The following TNK2 variants were observed in gnomAD, a reference collection of about 807,000 sequenced individuals.
TNK2 encodes the protein activated CDC42 kinase 1.
Under a neutral mutation model 101.8 loss-of-function variants are expected in TNK2, and 83 were observed. The observed-to-expected ratio is 0.82, with a 90% CI of 0.68 to 0.98. The LOEUF (loss-of-function observed/expected upper bound fraction) is 0.98, where lower values mean the gene tolerates loss of function less well. Ranked by LOEUF, TNK2 falls within the 50% of genes least tolerant of loss-of-function variation. The pLI is 0.00. For synonymous variants in TNK2, 804 were observed against 633.0 expected (o/e 1.27, Z -4.06); for missense variants, 1,665 against 1,483.2 (o/e 1.12, Z -2.01).
At chr3:195,901,760 G>T (rs1761231212) in intron 1 of TNK2, among the ~76,000 whole-genome samples, 1 of 152,190 alleles carries the variant, frequency 6.6e-6, no homozygotes, top group Non-Finnish European at 1.5e-5. Context: ...TACAAATATG[G>T]AAACCAGCTC....
intron 12 of TNK2, 171 bp downstream of exon 12, chr3:195,869,326 C>G: frequency 1.4e-6 from 1 of 702,974 alleles, no homozygotes; most frequent in Non-Finnish European, 2.4e-6. Context: ...CTCCGGGGGG[C>G]GGGCTCGAGG....
At chr3:195,907,320 G>A (rs2149896100) in intron 1 of TNK2, among the ~76,000 whole-genome samples, 1 of 152,332 alleles carries the variant, frequency 6.6e-6, no homozygotes, top group Non-Finnish European at 1.5e-5. Flanking sequence ...GTTTGTCTGA[G>A]GAGCGGGCTA....
At chr3:195,906,409 G>A (rs1351745400) in intron 1 of TNK2, among the ~76,000 whole-genome samples, 1 of 152,126 alleles carries the variant, frequency 6.6e-6, no homozygotes, top group Non-Finnish European at 1.5e-5. Context: ...CCATCAACAG[G>A]TCAATGGATA....
chr3:195,880,699 CAGCATCTATCCCTGTAACA>C, intron 6 of TNK2, among the ~76,000 whole-genome samples: 1 of 101,972 alleles, frequency 9.8e-6, no homozygotes, highest in Non-Finnish European at 1.9e-5. Flanking sequence ...GGAGAGGACA[CAGCATCTATCCCTGTAACA>C]CCCCCCCAGC....
At chr3:195,884,258 C>G (rs1253443222) in intron 4 of TNK2, 4 of 152,264 alleles carry the variant, frequency 2.6e-5, no homozygotes, top group African/African-American at 9.6e-5. Flanking sequence ...GGTGGGATTA[C>G]AGGCGATTTT....
chr3:195,904,616 G>A (rs928504381), intron 1 of TNK2, among the ~76,000 whole-genome samples: 3 of 152,182 alleles, frequency 2.0e-5, no homozygotes, highest in Admixed American at 6.5e-5. Context: ...TGCTGGTGAC[G>A]GCTGTGCAAC....
intron 1 of TNK2, among the ~76,000 whole-genome samples, chr3:195,906,030 G>T (rs991011507): frequency 2.6e-5 from 4 of 152,162 alleles, no homozygotes; most frequent in African/African-American, 9.7e-5. Flanking sequence ...AACAGACACA[G>T]CACCAAAGAC....
Position 195,878,989 on chromosome 3 carries a change from G to A in TNK2, c.1014+60C>T, listed in dbSNP as rs1560506850. The A allele has an allele frequency of 1.3e-5, 20 of 1,590,286 alleles. No homozygotes were observed. The highest frequency in any genetic ancestry group is 2.2e-5 in the East Asian group (1 of 44,526). ...GAGGCAGTTCCAGCAGGGCCAGGCTGCAAGCAGGGAATGGAATTCACCCCA... is the reference window on the plus strand; with the variant it reads ...GAGGCAGTTCCAGCAGGGCCAGGCTACAAGCAGGGAATGGAATTCACCCCA... On this transcript the variant is annotated intron_variant, in intron 7 of 15. Coordinates refer to ENST00000672887, the MANE Select transcript of TNK2 (RefSeq NM_001382273.1). The surrounding 1 kb of genome is among the most constrained non-coding windows in gnomAD (Gnocchi z 4.7).
chr3:195,877,800 G>A (rs964329381), intron 9 of TNK2, among the ~76,000 whole-genome samples: 2 of 151,860 alleles, frequency 1.3e-5, no homozygotes, highest in African/African-American at 4.8e-5. Flanking sequence ...CTGGGAGGGG[G>A]TGGTGGGCTC....
intron 6 of TNK2, among the ~76,000 whole-genome samples, chr3:195,879,992 G>A (rs1010424996): frequency 3.3e-5 from 5 of 152,118 alleles, no homozygotes. Flanking sequence ...TAAGACCTCT[G>A]CTCGCCCTGG....
Position 195,885,572 on chromosome 3 carries a change from TGAG to T in TNK2, c.235-542_235-540del, listed in dbSNP as rs1755243494. 7.8e-7 allele frequency: 1 copy of T among 1,290,156 alleles called. No homozygotes were observed. Among genetic ancestry groups the T allele is most frequent in the Admixed American group, 2.3e-5 (1 of 43,578 alleles). The allele number at this position is 1,290,156 out of a possible 1,614,324, so 79.9% of individuals were successfully genotyped here. On this transcript the variant is annotated intron_variant, in intron 3 of 15. Transcript: ENST00000672887. The surrounding 1 kb of genome is among the most constrained non-coding windows in gnomAD (Gnocchi z 4.7). ...CCCAGGGGAGAGGATAATTTTAGTC[TGAG>T]GTTGAACCGTGAGTGTGTGTGTGGT...
At chr3:195,881,690 C>T (rs1490315593) in intron 6 of TNK2, among the ~76,000 whole-genome samples, 1 of 129,908 alleles carries the variant, frequency 7.7e-6, no homozygotes, top group East Asian at 2.6e-4. Context: ...CCTATAACAC[C>T]CCCCCGCCAG....
chr3:195,864,293 A>G (rs1370791054), intron 15 of TNK2, 106 bp from the exon 16 acceptor site: 15 of 1,309,842 alleles, frequency 1.1e-5, no homozygotes, highest in Admixed American at 1.9e-5. Context: ...GGAAGCTGGC[A>G]GTCCCCGGCA....
intron 6 of TNK2, among the ~76,000 whole-genome samples, chr3:195,880,415 CCAGCAA>C (rs1751785901): frequency 1.5e-5 from 2 of 135,828 alleles, no homozygotes; most frequent in Non-Finnish European, 3.3e-5. Flanking sequence ...TAACACCCCC[CCAGCAA>C]TGCCCCTTGA....
chr3:195,866,896 G>A lies in TNK2; in HGVS notation c.3154C>T (p.His1052Tyr), dbSNP rs772508792. The change falls in exon 15 of 16, where the codon CAC (histidine) becomes TAC (tyrosine). Residue 1052 changes from histidine (H) to tyrosine (Y), a missense_variant. Physicochemically the swap from His to Tyr is moderately conservative, Grantham distance 83. Transcript: ENST00000672887. The part of the protein sequence containing the change: ...CHLLGSWGPA[H>Y]HKR ...ACTGTGGGGCTCACTCACTTGTGGT[G>A]GGCAGGGCCCCAGGAGCCCAGAAGG... 6.2e-7 allele frequency: 1 copy of A among 1,610,598 alleles called. No homozygotes were observed. Among genetic ancestry groups the A allele is most frequent in the East Asian group, 2.2e-5 (1 of 44,766 alleles).
Position 195,867,525 on chromosome 3 carries a change from G to T in TNK2, c.2773C>A (p.Arg925=). The T allele has an allele frequency of 6.5e-7, 1 of 1,545,902 alleles. No individual in the cohort carries two copies. Among genetic ancestry groups the T allele is most frequent in the Non-Finnish European group, 8.7e-7 (1 of 1,154,404 alleles). The change falls in exon 13 of 16, where the codon CGG becomes AGG. Residue 925 remains arginine (R), a synonymous_variant. Transcript: ENST00000672887. ...TCCAAGGCAGCCTGGGGCATCGGCC[G>T]CACGGTGGCCGTGGGGGCGGCGGGG... ...PAPAAPTATV[R]PMPQAALDPK... is the part of the protein sequence containing the mutation.
At chr3:195,871,357 C>CTTCA (rs1745206955) in intron 10 of TNK2, among the ~76,000 whole-genome samples, 1 of 152,128 alleles carries the variant, frequency 6.6e-6, no homozygotes, top group South Asian at 2.1e-4. Flanking sequence ...TGCCACCTAA[C>CTTCA]GTTCCCTCTG....
At chr3:195,871,204 G>C (rs898861483) in intron 10 of TNK2, among the ~76,000 whole-genome samples, 1 of 152,048 alleles carries the variant, frequency 6.6e-6, no homozygotes, top group Non-Finnish European at 1.5e-5. Context: ...TTCGGGGGGT[G>C]GGGGGTGGCA....
rs1393460104 is a variant in TNK2 at position 195,884,833 on chromosome 3, C to A, written c.435G>T (p.Trp145Cys). 6.2e-7 allele frequency: 1 copy of A among 1,612,078 alleles called. No individual in the cohort carries two copies. Among genetic ancestry groups the A allele is most frequent in the Admixed American group, 1.7e-5 (1 of 59,946 alleles). ...TCACCGTCTTCCCTGAGGGCGCGTC[C>A]CACTCGCCCCTGCGCACCACGCCAA... is the stretch of plus-strand genomic sequence containing the variant. ...GSFGVVRRGE[W>C]DAPSGKTVSV... The change falls in exon 4 of 16, where the codon TGG becomes TGT. Residue 145 changes from tryptophan (W) to cysteine (C), a missense_variant. Physicochemically the swap from Trp to Cys is radical, Grantham distance 215. Transcript: ENST00000672887.
Sources: allele counts gnomAD v4.1 joint callset (sites outside exome capture counted in the v4.1 genomes callset), GRCh38; gene constraint gnomAD v4.1.1; non-coding constraint Gnocchi (gnomAD v3.1); transcripts MANE v1.5; gene names NCBI Gene and HGNC (gene_info 2026-07-23, HGNC 2026-07-21).